The following MCM9 variants were observed in gnomAD, a reference collection of about 807,000 sequenced individuals.
MCM9 encodes DNA helicase MCM9.
MCM9 carries 55 observed loss-of-function variants against 72.8 expected under a neutral mutation model. That is an observed-to-expected ratio of 0.76 (90% CI 0.61 to 0.95). MCM9 has a LOEUF of 0.95. Ranked by LOEUF, MCM9 falls within the 40% of genes least tolerant of loss-of-function variation. The probability of loss-of-function intolerance (pLI) is 0.00; values close to 1 mark genes in which losing one functional copy is unlikely to be tolerated. For synonymous variants in MCM9, 480 were observed against 503.4 expected, an observed-to-expected ratio of 0.95 and a Z score of 0.62; for missense variants, 1,279 against 1,377.0, an observed-to-expected ratio of 0.93 and a Z score of 1.13.
intron 8 of MCM9, among the ~76,000 whole-genome samples, chr6:118,871,438 T>C (rs1777588234): frequency 1.3e-5 from 2 of 152,204 alleles, no homozygotes; most frequent in African/African-American, 2.4e-5. Flanking sequence ...CCTTTCAGGA[T>C]AAAAATTCTC....
intron 8 of MCM9, among the ~76,000 whole-genome samples, chr6:118,879,825 C>T (rs1224375854): frequency 2.0e-5 from 3 of 151,762 alleles, no homozygotes; most frequent in African/African-American, 7.3e-5. Flanking sequence ...AGGTGGATCA[C>T]TTGAGGTCAG....
intron 6 of MCM9, among the ~76,000 whole-genome samples, chr6:118,915,274 A>G (rs1780846156): frequency 6.6e-6 from 1 of 151,496 alleles, no homozygotes; most frequent in Non-Finnish European, 1.5e-5. Context: ...CCCCATCCTC[A>G]CCTCCCTCCC....
At position 118,843,648 on chromosome 6, in the gene MCM9, ATATATATGTG is replaced by A. The variant is rs1318378715; in HGVS notation, c.1325+12713_1325+12722del. On this transcript the variant is annotated intron_variant, in intron 9 of 13. Transcript: ENST00000619706. ...AAACAAAACAAAACAAAACATATAT[ATATATATGTG>A]TATATATATATGTATGTATATATAT... is the stretch of plus-strand genomic sequence containing the variant. Among the ~76,000 whole-genome samples the A allele has an allele frequency of 2.0e-4, 14 of 68,528 alleles. 1 individual carries two copies. The highest frequency in any genetic ancestry group is 8.8e-4 in the African/African-American group (14 of 15,978). The allele number at this position is 68,528 out of a possible 152,430, so 45.0% of individuals were successfully genotyped here. A position where few individuals can be genotyped will look rare whatever the true frequency, so the allele number is the denominator to read the frequency against.
intron 9 of MCM9, among the ~76,000 whole-genome samples, chr6:118,854,749 C>T (rs528903909): frequency 6.6e-6 from 1 of 152,354 alleles, no homozygotes; most frequent in South Asian, 2.1e-4. Flanking sequence ...TCATCAAATA[C>T]ATTTTCTGCA....
Position 118,867,241 on chromosome 6 carries a change from T to C in MCM9, c.1151-10696A>G, listed in dbSNP as rs145777758. 2.5e-3 allele frequency among the ~76,000 whole-genome samples: 377 copies of C among 152,272 alleles called. 3 individuals are homozygous for C. Among genetic ancestry groups the C allele is most frequent in the African/African-American group, 8.7e-3 (363 of 41,560 alleles). On this transcript the variant is annotated intron_variant, in intron 8 of 13. Coordinates refer to ENST00000619706, the MANE Select transcript of MCM9 (RefSeq NM_017696.3). ...AGTAACATGAAGACATAAGAGAGTA[T>C]AGTCATGTGCTACATAATGACATCA... is the stretch of plus-strand genomic sequence containing the variant.
At chr6:118,835,728 T>C (rs1774910000) in intron 9 of MCM9, among the ~76,000 whole-genome samples, 1 of 152,230 alleles carries the variant, frequency 6.6e-6, no homozygotes, top group Middle Eastern at 3.2e-3. Context: ...TAAAGTTGCT[T>C]ATCAGTTTAA....
intron 13 of MCM9, among the ~76,000 whole-genome samples, chr6:118,824,854 T>C (rs940707771): frequency 2.0e-5 from 3 of 152,198 alleles, no homozygotes; most frequent in Non-Finnish European, 1.5e-5. Context: ...CCTGGTTTTG[T>C]TGCTTTCAGG....
chr6:118,905,870 A>G (rs1193807016), intron 8 of MCM9: 1 of 1,445,084 alleles, frequency 6.9e-7, no homozygotes, highest in African/African-American at 1.4e-5. Context: ...TTTACTATGC[A>G]ATTTTTAAAG....
intron 13 of MCM9, among the ~76,000 whole-genome samples, chr6:118,824,745 A>C (rs968978800): frequency 2.6e-5 from 4 of 152,236 alleles, no homozygotes; most frequent in African/African-American, 9.6e-5. Flanking sequence ...AACTCTTTCC[A>C]AAACAGTAAA....
At chr6:118,848,171 T>C (rs566626971) in intron 9 of MCM9, among the ~76,000 whole-genome samples, 5 of 152,008 alleles carry the variant, frequency 3.3e-5, no homozygotes, top group African/African-American at 7.3e-5. Flanking sequence ...AGTGGAAGAA[T>C]AGTAAGTAAA....
At position 118,829,084 on chromosome 6, in the gene MCM9, C is replaced by T. The variant is rs1404779721; in HGVS notation, c.1492G>A (p.Asp498Asn). The T allele has an allele frequency of 6.4e-6, 10 of 1,550,640 alleles. 1 individual carries two copies. Among genetic ancestry groups the T allele is most frequent in the Middle Eastern group, 1.7e-4 (1 of 5,992 alleles). The change falls in exon 10 of 14, where the codon GAT becomes AAT. Residue 498 changes from aspartate (D) to asparagine (N), a missense_variant. Coordinates refer to ENST00000619706, the MANE Select transcript of MCM9 (RefSeq NM_017696.3). Reference protein sequence around the residue: ...VLLDTKNEDWDRIISSFILEN... With the variant: ...VLLDTKNEDWNRIISSFILEN... Reference sequence around the variant, plus strand: ...AAGATAAAGGAGGAAATGATACGATCCCAGTCTTCATTCTTGGTATCAAGC... The same window carrying T: ...AAGATAAAGGAGGAAATGATACGATTCCAGTCTTCATTCTTGGTATCAAGC...
chr6:118,882,242 A>G (rs945038596), intron 8 of MCM9, among the ~76,000 whole-genome samples: 1 of 152,236 alleles, frequency 6.6e-6, no homozygotes, highest in Non-Finnish European at 1.5e-5. Context: ...CCCTGGCTGG[A>G]GCAGTAGCTC....
At chr6:118,878,912 C>G (rs1778107600) in intron 8 of MCM9, among the ~76,000 whole-genome samples, 1 of 151,842 alleles carries the variant, frequency 6.6e-6, no homozygotes, top group Non-Finnish European at 1.5e-5. Context: ...CAAAAATTAG[C>G]TGGGCAGGTG....
intron 8 of MCM9, chr6:118,894,299 CACG>C: frequency 6.7e-7 from 1 of 1,489,832 alleles, no homozygotes; most frequent in Non-Finnish European, 8.9e-7. Context: ...GTCGCCGCTG[CACG>C]ACGTCTGGCC....
At chr6:118,840,851 T>C (rs988359946) in intron 9 of MCM9, among the ~76,000 whole-genome samples, 8 of 145,382 alleles carry the variant, frequency 5.5e-5, no homozygotes, top group Non-Finnish European at 1.1e-4. Flanking sequence ...AAACCTCCCA[T>C]CTCAGCCTCC....
chr6:118,827,357 T>C (rs1446157458), intron 11 of MCM9, among the ~76,000 whole-genome samples: 3 of 152,242 alleles, frequency 2.0e-5, no homozygotes, highest in Admixed American at 6.5e-5. Context: ...ATTAAGCTTG[T>C]ATTATTTTAT....
At chr6:118,900,569 A>C (rs1377524891) in intron 8 of MCM9, among the ~76,000 whole-genome samples, 1 of 152,208 alleles carries the variant, frequency 6.6e-6, no homozygotes, top group East Asian at 1.9e-4. Flanking sequence ...TTCACAAAAG[A>C]GTATTTTGAG....
intron 8 of MCM9, among the ~76,000 whole-genome samples, chr6:118,869,637 T>C (rs927926147): frequency 9.7e-6 from 1 of 102,628 alleles, no homozygotes; most frequent in African/African-American, 3.4e-5. Context: ...ATTTAAAAAA[T>C]GGCACTAGGA....
chr6:118,845,487 T>C (rs1401888923), intron 9 of MCM9, among the ~76,000 whole-genome samples: 2 of 151,822 alleles, frequency 1.3e-5, no homozygotes, highest in African/African-American at 4.9e-5. Context: ...CAGTGTATTT[T>C]TGCAGTCACT....
Sources: allele counts gnomAD v4.1 joint callset (sites outside exome capture counted in the v4.1 genomes callset), GRCh38; gene constraint gnomAD v4.1.1; transcripts MANE v1.5; gene names NCBI Gene and HGNC (gene_info 2026-07-23, HGNC 2026-07-21).